The following EML1 variants were observed in gnomAD, a reference collection of about 807,000 sequenced individuals.
The protein encoded by EML1 is echinoderm microtubule-associated protein-like 1.
Under a neutral mutation model 110.4 loss-of-function variants are expected in EML1, and 27 were observed. The ratio of observed to expected loss-of-function variants is 0.24; its 90% CI spans 0.18 to 0.34. The LOEUF (loss-of-function observed/expected upper bound fraction) is 0.34. Ranked by LOEUF, EML1 falls within the 10% of genes least tolerant of loss-of-function variation. The pLI is 1.00. For missense variants in EML1, 741 were observed against 1,030.9 expected (o/e 0.72, Z 3.85); for synonymous variants, 344 against 385.8 (o/e 0.89, Z 1.27).
intron 1 of EML1, among the ~76,000 whole-genome samples, chr14:99,823,398 G>A (rs2058297592): frequency 6.6e-6 from 1 of 152,050 alleles, no homozygotes; most frequent in African/African-American, 2.4e-5. Flanking sequence ...TTGCAGGAGG[G>A]TCACCAGGCT....
At chr14:99,856,108 C>G (rs1301966022) in intron 2 of EML1, among the ~76,000 whole-genome samples, 2 of 152,108 alleles carry the variant, frequency 1.3e-5, no homozygotes, top group African/African-American at 4.8e-5. Context: ...ATCATTGTGC[C>G]CATTTTATAG....
rs1172740596 is a variant in EML1, at chr14:99,865,498, T to G, written c.251-16T>G. 1.2e-6 allele frequency: 2 copies of G among 1,613,194 alleles called. No individual in the cohort carries two copies. Among genetic ancestry groups the G allele is most frequent in the Non-Finnish European group, 1.7e-6 (2 of 1,179,656 alleles). On this transcript the variant is annotated splice_polypyrimidine_tract_variant and intron_variant, in intron 2 of 21. Transcript: ENST00000262233. Reference sequence around the variant, plus strand: ...AAAGGGGAACTTTCTGATATTATTTTCTGCTTGTCTTACAGCAAGACCACT... The same window carrying G: ...AAAGGGGAACTTTCTGATATTATTTGCTGCTTGTCTTACAGCAAGACCACT...
At position 99,894,662 on chromosome 14, in the gene EML1, G is replaced by A. The variant is rs1214245534; in HGVS notation, c.581G>A (p.Arg194His). The A allele has an allele frequency of 1.9e-6, 3 of 1,612,342 alleles. No homozygotes were observed. The highest frequency in any genetic ancestry group is 1.1e-5 in the South Asian group (1 of 90,560). ...TATGTAAAAATGTTTCTTCGTGGAC[G>A]CCCTGTTACCATGTACATGCCCAAA... ...EGYVKMFLRG[R>H]PVTMYMPKDQ... Residue 194 changes from arginine to histidine, a missense_variant, in exon 6 of 22, where the codon CGC becomes CAC. Around this residue, in one of 4 missense-constraint regions of EML1, gnomAD observed 226 missense variants for 255.6 expected, o/e 0.88. Coordinates refer to ENST00000262233, the MANE Select transcript of EML1 (RefSeq NM_004434.3).
intron 3 of EML1, among the ~76,000 whole-genome samples, chr14:99,871,489 G>A (rs1005437313): frequency 2.4e-4 from 36 of 151,590 alleles, no homozygotes; most frequent in African/African-American, 8.0e-4. Context: ...CTCCAGCCTG[G>A]TCAACAGAGC....
At chr14:99,930,578 G>A (rs1477353443) in intron 17 of EML1, among the ~76,000 whole-genome samples, 1 of 152,198 alleles carries the variant, frequency 6.6e-6, no homozygotes, top group Admixed American at 6.5e-5. Context: ...TTACGTGAAA[G>A]TTTATCACAA....
At chr14:99,875,950 G>A (rs1191119) in intron 3 of EML1, among the ~76,000 whole-genome samples, 136,454 of 152,258 alleles carry the variant, frequency 0.9, 61,193 homozygotes, top group East Asian at 0.99. Context: ...TGTCCACTCA[G>A]GGGTTCCCCA....
chr14:99,763,828 G>A (rs1459159541), intron 1 of EML1, among the ~76,000 whole-genome samples: 1 of 152,180 alleles, frequency 6.6e-6, no homozygotes, highest in Non-Finnish European at 1.5e-5. Flanking sequence ...GGAGCACCGG[G>A]AGGACCCTAA....
intron 1 of EML1, among the ~76,000 whole-genome samples, chr14:99,829,122 G>A (rs985261482): frequency 1.3e-5 from 2 of 152,098 alleles, no homozygotes; most frequent in African/African-American, 2.4e-5. Context: ...TGTGGTTAAT[G>A]GGGGGGCCAC....
chr14:99,890,468 T>G (rs2059567734), intron 4 of EML1, among the ~76,000 whole-genome samples: 1 of 152,136 alleles, frequency 6.6e-6, no homozygotes, highest in African/African-American at 2.4e-5. Flanking sequence ...GGCGGCCGCC[T>G]CTCCTTCTGC....
chr14:99,752,830 T>TA (rs2057192176), intron 1 of EML1, among the ~76,000 whole-genome samples: 1 of 152,008 alleles, frequency 6.6e-6, no homozygotes, highest in South Asian at 2.1e-4. Flanking sequence ...AAATACACAT[T>TA]AAAAAATACA....
At position 99,936,938 on chromosome 14, in the gene EML1, G is replaced by A. The variant is rs566920104; in HGVS notation, c.2095+604G>A. Among the ~76,000 whole-genome samples the A allele has an allele frequency of 2.6e-5, 4 of 152,328 alleles. No individual in the cohort carries two copies. In the East Asian group the frequency reaches 7.7e-4, roughly 29 times the overall value. ...TGCCCCACTCTGGGCCACGCAGGGC[G>A]GCGCGTGGGCACAAGGAAGGCCTCG... On this transcript the variant is annotated intron_variant, in intron 19 of 21. Coordinates refer to ENST00000262233, the MANE Select transcript of EML1 (RefSeq NM_004434.3). The surrounding 1 kb of genome is among the most constrained non-coding windows in gnomAD (Gnocchi z 5.5).
intron 1 of EML1, among the ~76,000 whole-genome samples, chr14:99,811,293 A>G (rs1298119314): frequency 6.6e-6 from 1 of 152,038 alleles, no homozygotes; most frequent in East Asian, 1.9e-4. Context: ...TGATCCACCC[A>G]CGTCGGCCTC....
At position 99,849,534 on chromosome 14, in the gene EML1, T is replaced by C. The variant is rs919802084; in HGVS notation, c.68-1319T>C. 2.8e-4 allele frequency among the ~76,000 whole-genome samples: 30 copies of C among 106,090 alleles called. No individual in the cohort carries two copies. The East Asian group carries it at 7.6e-3, about 27-fold the overall frequency. 69.6% of individuals were successfully genotyped at this position (106,090 alleles called of 152,430 possible). A position where few individuals can be genotyped will look rare whatever the true frequency, so the allele number is the denominator to read the frequency against. ...GTGTGTGTGTGTGTGTGTGTGTATA[T>C]ATATTTATTTATTTATTTATTTGTT... is the stretch of plus-strand genomic sequence containing the variant. On this transcript the variant is annotated intron_variant, in intron 1 of 21. Coordinates refer to ENST00000262233, the MANE Select transcript of EML1 (RefSeq NM_004434.3).
chr14:99,738,608 G>T (rs2056997946), intron 1 of EML1, among the ~76,000 whole-genome samples: 1 of 152,232 alleles, frequency 6.6e-6, no homozygotes, highest in African/African-American at 2.4e-5. Flanking sequence ...TCCAGGCTGG[G>T]TGGTCTTGGG....
chr14:99,893,725 C>T (rs2059626819), intron 5 of EML1, among the ~76,000 whole-genome samples: 1 of 152,180 alleles, frequency 6.6e-6, no homozygotes, highest in Non-Finnish European at 1.5e-5. Flanking sequence ...TCCAACTGCC[C>T]AGTTTAAATA....
At chr14:99,935,894 C>A (rs1595508724) in intron 17 of EML1, 135 bp from the exon 18 acceptor site, 1 of 783,848 alleles carries the variant, frequency 1.3e-6, no homozygotes. Flanking sequence ...CATTGAAAAG[C>A]AGATTTTTCT....
intron 1 of EML1, among the ~76,000 whole-genome samples, chr14:99,825,028 G>T (rs2058329475): frequency 6.6e-6 from 1 of 152,122 alleles, no homozygotes; most frequent in African/African-American, 2.4e-5. Context: ...CTGTCTCCCA[G>T]GCTGGAGTGC....
At chr14:99,806,456 A>G (rs1046046044) in intron 1 of EML1, among the ~76,000 whole-genome samples, 4 of 151,096 alleles carry the variant, frequency 2.6e-5, no homozygotes, top group African/African-American at 9.7e-5. Flanking sequence ...AGCTGGGATT[A>G]CAGGCATGCT....
At chr14:99,751,880 T>C (rs1480127008) in intron 1 of EML1, among the ~76,000 whole-genome samples, 3 of 152,102 alleles carry the variant, frequency 2.0e-5, no homozygotes, top group African/African-American at 7.2e-5. Flanking sequence ...GTATTGACCC[T>C]GGGTGAGAAG....
Sources: allele counts gnomAD v4.1 joint callset (sites outside exome capture counted in the v4.1 genomes callset), GRCh38; gene constraint gnomAD v4.1.1; regional missense constraint gnomAD v4.1.1; non-coding constraint Gnocchi (gnomAD v3.1); transcripts MANE v1.5; gene names NCBI Gene and HGNC (gene_info 2026-07-23, HGNC 2026-07-21).